The following MIS18BP1 variants were observed in gnomAD, a reference collection of about 807,000 sequenced individuals.
The protein encoded by MIS18BP1 is MIS18 binding protein 1.
A neutral mutation model predicts 116.1 loss-of-function variants in MIS18BP1; 72 were observed. The observed-to-expected ratio is 0.62, with a 90% confidence interval of 0.51 to 0.75. MIS18BP1 has a LOEUF of 0.75. Ranked by LOEUF, MIS18BP1 falls within the 30% of genes least tolerant of loss-of-function variation. MIS18BP1 has a pLI of 0.00. For synonymous variants in MIS18BP1, 386 were observed against 427.0 expected (o/e 0.90, Z 1.18); for missense variants, 1,363 against 1,303.2 (o/e 1.05, Z -0.71).
At chr14:45,238,734 A>G (rs1245832244) in intron 4 of MIS18BP1, among the ~76,000 whole-genome samples, 1 of 152,160 alleles carries the variant, frequency 6.6e-6, no homozygotes, top group Non-Finnish European at 1.5e-5. Flanking sequence ...CAGAGGTGGG[A>G]GGATCACTTG....
Position 45,231,108 on chromosome 14 carries a change from C to A in MIS18BP1, c.1594+33G>T, listed in dbSNP as rs1246255055. The A allele has an allele frequency of 2.5e-6, 4 of 1,602,200 alleles. No individual in the cohort carries two copies. In the African/African-American group the frequency reaches 5.4e-5, roughly 22 times the overall value. Reference sequence around the variant, plus strand: ...TGTAGACCATGTAAGAACTTAACCACTGTACCAACAGAGAAGTAAAGACAA... The same window carrying A: ...TGTAGACCATGTAAGAACTTAACCAATGTACCAACAGAGAAGTAAAGACAA... On this transcript the variant is annotated intron_variant, in intron 8 of 16. Coordinates refer to ENST00000310806, the MANE Select transcript of MIS18BP1 (RefSeq NM_018353.5).
chr14:45,251,090 G>A (rs1044518078), intron 1 of MIS18BP1, among the ~76,000 whole-genome samples: 1 of 149,402 alleles, frequency 6.7e-6, no homozygotes, highest in Non-Finnish European at 1.5e-5. Flanking sequence ...GTACAGTCAT[G>A]CACTGCATAA....
chr14:45,232,345 A>G (rs1891304692), intron 7 of MIS18BP1, among the ~76,000 whole-genome samples: 1 of 142,978 alleles, frequency 7.0e-6, no homozygotes, highest in African/African-American at 2.6e-5. Context: ...TGAACCCCAG[A>G]GGCGGAGCTT....
intron 1 of MIS18BP1, among the ~76,000 whole-genome samples, chr14:45,252,663 A>G (rs1042070903): frequency 6.6e-6 from 1 of 152,180 alleles, no homozygotes; most frequent in African/African-American, 2.4e-5. Context: ...TAACCAGAAG[A>G]AAACATAAGC....
At chr14:45,245,645 T>G (rs978609769) in intron 2 of MIS18BP1, among the ~76,000 whole-genome samples, 12 of 152,328 alleles carry the variant, frequency 7.9e-5, no homozygotes, top group African/African-American at 2.4e-4. Flanking sequence ...ATTATGGGCA[T>G]GAGCCACCGT....
rs1421629610 is a variant in MIS18BP1 at position 45,210,462 on chromosome 14, T to C, written c.3070A>G (p.Thr1024Ala). ...ILPNMDKNPT[T>A]PSSVIFPLVK... ...AATGGAAAGATAACTGATGATGGAG[T>C]TGTTGGATTTTTGTCCATATTTGGC... The change falls in exon 14 of 17, where the codon ACT (threonine) becomes GCT (alanine). Residue 1024 changes from threonine (T) to alanine (A), a missense_variant. Thr to Ala is a moderately conservative substitution (Grantham distance 58). Coordinates refer to ENST00000310806, the MANE Select transcript of MIS18BP1 (RefSeq NM_018353.5). The C allele has an allele frequency of 6.2e-7, 1 of 1,613,772 alleles. No individual in the cohort carries two copies. Among genetic ancestry groups the C allele is most frequent in the Non-Finnish European group, 8.5e-7 (1 of 1,179,920 alleles).
intron 1 of MIS18BP1, among the ~76,000 whole-genome samples, chr14:45,251,218 T>C (rs1251597395): frequency 6.6e-5 from 10 of 152,178 alleles, no homozygotes; most frequent in Admixed American, 6.5e-4. Flanking sequence ...CAAATACTTA[T>C]CATTGTGTTA....
At chr14:45,235,701 A>G in intron 6 of MIS18BP1, 113 bp downstream of exon 6, 1 of 849,432 alleles carries the variant, frequency 1.2e-6, no homozygotes. Flanking sequence ...GTTTTGATTT[A>G]TTCATAATTT....
intron 11 of MIS18BP1, 41 bp downstream of exon 11, chr14:45,223,877 G>T: frequency 2.1e-6 from 3 of 1,403,706 alleles, no homozygotes; most frequent in South Asian, 2.8e-5. Context: ...CTGTCTTGTG[G>T]CTGCTCTGTA....
intron 7 of MIS18BP1, among the ~76,000 whole-genome samples, chr14:45,232,286 G>A (rs946191658): frequency 5.3e-5 from 8 of 151,628 alleles, no homozygotes; most frequent in South Asian, 2.1e-4. Flanking sequence ...GTGTGGTGGC[G>A]GGCGCCTGTA....
intron 14 of MIS18BP1, among the ~76,000 whole-genome samples, chr14:45,208,290 A>C (rs150283235): frequency 6.6e-5 from 10 of 151,340 alleles, no homozygotes; most frequent in African/African-American, 2.4e-4. Context: ...ATATTTCCTT[A>C]AAGTGTCTAA....
chr14:45,244,057 C>T (rs1238324739), intron 2 of MIS18BP1, among the ~76,000 whole-genome samples: 1 of 152,128 alleles, frequency 6.6e-6, no homozygotes, highest in Non-Finnish European at 1.5e-5. Context: ...CCCCCAAACT[C>T]CCTTAGAAAA....
chr14:45,239,829 G>A (rs1364232426), intron 4 of MIS18BP1, among the ~76,000 whole-genome samples: 2 of 152,186 alleles, frequency 1.3e-5, no homozygotes, highest in African/African-American at 4.8e-5. Context: ...GCATTCAGGA[G>A]AGTAGAGCCA....
chr14:45,205,577 T>A (rs530262543), intron 15 of MIS18BP1, among the ~76,000 whole-genome samples: 1 of 152,270 alleles, frequency 6.6e-6, no homozygotes, highest in South Asian at 2.1e-4. Context: ...CATCTTTCAG[T>A]TAAAAATTTT....
rs549419722 is a variant in MIS18BP1, at chr14:45,239,239, G to A, written c.1144-1518C>T. 2.0e-5 allele frequency among the ~76,000 whole-genome samples: 3 copies of A among 152,280 alleles called. No individual in the cohort carries two copies. The East Asian group carries it at 5.8e-4, about 29-fold the overall frequency. ...TGCCCCTCTTAGGGCCAACATTCTT[G>A]TGTGTGTGTTAGGGTTGGGGGTGGA... is the stretch of plus-strand genomic sequence containing the variant. On this transcript the variant is annotated intron_variant, in intron 4 of 16. Transcript: ENST00000310806.
chr14:45,229,637 A>G (rs1274286307), intron 8 of MIS18BP1, among the ~76,000 whole-genome samples: 1 of 152,214 alleles, frequency 6.6e-6, no homozygotes, highest in Non-Finnish European at 1.5e-5. Flanking sequence ...TTTACTGATA[A>G]TATTTGCAAT....
intron 7 of MIS18BP1, chr14:45,231,583 G>A (rs577107940): frequency 7.4e-5 from 19 of 256,652 alleles, no homozygotes; most frequent in Non-Finnish European, 1.2e-4. Context: ...AAAACTACAG[G>A]ACAACTGCCA....
intron 11 of MIS18BP1, among the ~76,000 whole-genome samples, chr14:45,220,536 C>T (rs1413888640): frequency 6.6e-6 from 1 of 152,040 alleles, no homozygotes; most frequent in Non-Finnish European, 1.5e-5. Context: ...GAAATCTGGT[C>T]ATTTAAAAGT....
intron 4 of MIS18BP1, among the ~76,000 whole-genome samples, chr14:45,239,729 G>A (rs1159803215): frequency 6.6e-6 from 1 of 152,180 alleles, no homozygotes; most frequent in African/African-American, 2.4e-5. Context: ...ACTGAAAAAG[G>A]AGAAAAGCAA....
Sources: gnomAD v4.1 joint callset for allele counts (sites outside exome capture counted in the v4.1 genomes callset) on GRCh38, gnomAD v4.1.1 for gene constraint, MANE v1.5 for transcripts, NCBI Gene and HGNC (gene_info 2026-07-23, HGNC 2026-07-21) for gene names.